The following ZBED6 variants were observed in gnomAD, a reference collection of about 807,000 sequenced individuals.
ZBED6 encodes the protein zinc finger BED-type containing 6.
In ZBED6, 40 loss-of-function variants were observed where a neutral mutation model predicts 58.4. The observed-to-expected ratio is 0.68, with a 90% CI of 0.53 to 0.89. ZBED6 has a LOEUF of 0.89. Ranked by LOEUF, ZBED6 falls within the 40% of genes least tolerant of loss-of-function variation. ZBED6 has a pLI of 0.00. For synonymous variants in ZBED6, 439 were observed against 350.6 expected (o/e 1.25, Z -2.82); for missense variants, 1,057 against 1,003.9 (o/e 1.05, Z -0.71).
At chr1:203,809,554 A>T (rs915475843) in intron 1 of ZBED6, among the ~76,000 whole-genome samples, 2 of 152,200 alleles carry the variant, frequency 1.3e-5, no homozygotes, top group African/African-American at 2.4e-5. Context: ...TGAAGATTTT[A>T]AAATAATATG....
rs1239840177 is a variant in ZBED6, at chr1:203,850,695, T to G, written c.*4805+14T>G. On this transcript the variant is annotated intron_variant, in intron 15 of 16. Coordinates refer to ENST00000550078, the Ensembl canonical transcript of ZBED6. The stretch of plus-strand genomic sequence containing the variant: ...AAGGCAGCTGTGGTAAGAAGTATAT[T>G]CACTTTGTGGTGCTTTATTCTGTGT... 6.2e-7 allele frequency: 1 copy of G among 1,611,496 alleles called. No homozygotes were observed. Among genetic ancestry groups the G allele is most frequent in the African/African-American group, 1.3e-5 (1 of 74,842 alleles).
intron 1 of ZBED6, among the ~76,000 whole-genome samples, chr1:203,812,416 G>A (rs907493264): frequency 6.6e-6 from 1 of 152,006 alleles, no homozygotes; most frequent in Non-Finnish European, 1.5e-5. Flanking sequence ...AAGGATAATA[G>A]CCTCTGGCTC....
rs1483080554 is a variant in ZBED6, at chr1:203,854,113, T to C, written c.*6846T>C. On this transcript the variant is annotated 3_prime_UTR_variant, in exon 17 of 17. Transcript: ENST00000550078. ...TTGTTTGTGTTTTAAATAAAACTGA[T>C]GTAGGAAAGTCTTGATGTTGTGAGC... The C allele has an allele frequency of 3.3e-5, 5 of 152,790 alleles. No homozygotes were observed. The East Asian group carries it at 7.7e-4, about 24-fold the overall frequency. 9.5% of individuals were successfully genotyped at this position (152,790 alleles called of 1,614,324 possible). A position where few individuals can be genotyped will look rare whatever the true frequency, so the allele number is the denominator to read the frequency against.
rs1000067608 is a variant in ZBED6, at chr1:203,834,155, C to T, written c.*3573+302C>T. 10 of 889,730 alleles carry T rather than the reference C, an allele frequency of 1.1e-5. No homozygotes were observed. In the South Asian group the frequency reaches 1.6e-4, roughly 14 times the overall value. 55.1% of individuals were successfully genotyped at this position (889,730 alleles called of 1,614,324 possible). ...AAATTTAAATGTGAGTTTTTAGAGG[C>T]GAGAAAAATGATTGGTTAATATAAT... On this transcript the variant is annotated intron_variant, in intron 9 of 16. Coordinates refer to ENST00000550078, the Ensembl canonical transcript of ZBED6.
At position 203,819,089 on chromosome 1, in the gene ZBED6, T is replaced by TACACACAC. The variant is rs200302232; in HGVS notation, c.*2873+423_*2873+430dup. Among the ~76,000 whole-genome samples, 411 of 140,992 alleles carry TACACACAC rather than the reference T, an allele frequency of 2.9e-3. 2 individuals carry two copies. Among genetic ancestry groups the TACACACAC allele is most frequent in the Middle Eastern group, 7.1e-3 (2 of 280 alleles). 92.5% of individuals were successfully genotyped at this position (140,992 alleles called of 152,430 possible). A position where few individuals can be genotyped will look rare whatever the true frequency, so the allele number is the denominator to read the frequency against. On this transcript the variant is annotated intron_variant, in intron 3 of 16. Transcript: ENST00000550078. ...TCTCAAAAAAAAAAATATATATATA[T>TACACACAC]ACACACACACACACACACACACACA...
At chr1:203,811,209 G>A (rs1172655969) in intron 1 of ZBED6, among the ~76,000 whole-genome samples, 1 of 151,664 alleles carries the variant, frequency 6.6e-6, no homozygotes, top group Non-Finnish European at 1.5e-5. Context: ...TTGGGAGGCT[G>A]AGGCAGGCGA....
chr1:203,849,560 G>T (rs1688773433), intron 13 of ZBED6, 151 bp from the exon 14 acceptor site: 1 of 752,446 alleles, frequency 1.3e-6, no homozygotes, highest in Non-Finnish European at 2.3e-6. Context: ...CTTTAACAGG[G>T]TATTGTCTAT....
At chr1:203,807,827 G>A (rs768072995) in intron 1 of ZBED6, among the ~76,000 whole-genome samples, 5 of 151,918 alleles carry the variant, frequency 3.3e-5, no homozygotes, top group Admixed American at 3.3e-4. Flanking sequence ...CTGCAGCCTC[G>A]ACCTCTTGGG....
At chr1:203,833,754 G>C in intron 8 of ZBED6, 37 bp from the exon 9 acceptor site, 1 of 1,579,316 alleles carries the variant, frequency 6.3e-7, no homozygotes, top group Non-Finnish European at 8.6e-7. Context: ...CAGAAAAATT[G>C]ACTAAGGATA....
At chr1:203,800,077 C>G in exon 1 of ZBED6, 15 of 1,536,018 alleles carry the variant, frequency 9.8e-6, no homozygotes, top group Non-Finnish European at 1.3e-5. Flanking sequence ...GACAATGTTG[C>G]CCTTGGAAGC....
At chr1:203,851,475 G>A (rs1326923012) in intron 16 of ZBED6, among the ~76,000 whole-genome samples, 1 of 152,110 alleles carries the variant, frequency 6.6e-6, no homozygotes. Context: ...GATTACAGGT[G>A]CCTGCCACAA....
At chr1:203,833,377 A>C (rs1401832195) in intron 8 of ZBED6, among the ~76,000 whole-genome samples, 3 of 148,274 alleles carry the variant, frequency 2.0e-5, no homozygotes, top group African/African-American at 4.9e-5. Flanking sequence ...AAAAAAAAAA[A>C]AAAAAAACAC....
chr1:203,846,459 C>T (rs1166038750), intron 11 of ZBED6, among the ~76,000 whole-genome samples: 6 of 152,100 alleles, frequency 3.9e-5, no homozygotes, highest in Non-Finnish European at 8.8e-5. Context: ...AATTTAATAT[C>T]ATTTCCTTGT....
rs1216266782 is a variant in ZBED6, at chr1:203,852,489, C to A, written c.*5222C>A. ...TAACATTTACCTGAGATGATCATTT[C>A]TTTAGTCTAGAATTTGCCCCAAATC... On this transcript the variant is annotated 3_prime_UTR_variant, in exon 17 of 17. Coordinates refer to ENST00000550078, the Ensembl canonical transcript of ZBED6. The A allele has an allele frequency of 1.1e-5, 16 of 1,433,878 alleles. No homozygotes were observed. In the South Asian group the frequency reaches 2.1e-4, roughly 19 times the overall value. 88.8% of individuals were successfully genotyped at this position (1,433,878 alleles called of 1,614,324 possible). A position where few individuals can be genotyped will look rare whatever the true frequency, so the allele number is the denominator to read the frequency against.
chr1:203,832,148 T>G (rs1682583850), intron 8 of ZBED6, among the ~76,000 whole-genome samples: 1 of 152,176 alleles, frequency 6.6e-6, no homozygotes, highest in Admixed American at 6.5e-5. Flanking sequence ...AGCCTCCGTC[T>G]TCTGGGTTCA....
chr1:203,827,958 C>A (rs1681101158), intron 3 of ZBED6, among the ~76,000 whole-genome samples: 4 of 152,174 alleles, frequency 2.6e-5, no homozygotes, highest in African/African-American at 9.7e-5. Flanking sequence ...GGCCACCTGG[C>A]CAATAAGTAA....
chr1:203,798,820 T>C, exon 1 of ZBED6: 1 of 1,536,108 alleles, frequency 6.5e-7, no homozygotes, highest in Non-Finnish European at 8.7e-7. Context: ...ACCCCAGCCT[T>C]TCAGAGGTTC....
exon 1 of ZBED6, chr1:203,797,318 C>G: frequency 2.2e-6 from 1 of 459,378 alleles, no homozygotes; most frequent in South Asian, 3.6e-5. Flanking sequence ...TTAAAGCCCT[C>G]TAAGAAAGAG....
intron 3 of ZBED6, among the ~76,000 whole-genome samples, chr1:203,824,689 T>C (rs1679912005): frequency 6.6e-6 from 1 of 152,148 alleles, no homozygotes; most frequent in Non-Finnish European, 1.5e-5. Context: ...GGCTTTTGGT[T>C]GGTGGTGGTG....
Sources: gnomAD v4.1 joint callset for allele counts (sites outside exome capture counted in the v4.1 genomes callset) on GRCh38, gnomAD v4.1.1 for gene constraint, MANE v1.5 for transcripts, NCBI Gene and HGNC (gene_info 2026-07-23, HGNC 2026-07-21) for gene names.